The following ROBO2 variants were observed in gnomAD, a reference collection of about 807,000 sequenced individuals.
The protein encoded by ROBO2 is roundabout homolog 2.
A neutral mutation model predicts 160.8 loss-of-function variants in ROBO2; 53 were observed. The observed-to-expected ratio is 0.33, with a 90% CI of 0.26 to 0.41. The LOEUF is 0.41. ROBO2 is among the 10% of genes least tolerant of loss of function. The pLI is 1.00. For missense variants in ROBO2, 1,577 were observed against 1,722.4 expected (o/e 0.92, Z 1.49); for synonymous variants, 664 against 611.7 (o/e 1.09, Z -1.26).
Position 76,695,136 on chromosome 3 carries a change from A to AT in ROBO2, c.110-402871dup, listed in dbSNP as rs1018568438. Reference sequence around the variant, plus strand: ...AAACAAACAAAAACACAAAAAACTTATTTTTTTAAATATGAGCAAGTCAAA... The same window carrying AT: ...AAACAAACAAAAACACAAAAAACTTATTTTTTTTAAATATGAGCAAGTCAAA... On this transcript the variant is annotated intron_variant, in intron 2 of 26. Coordinates refer to the ROBO2 transcript ENST00000487694. Among the ~76,000 whole-genome samples the AT allele has an allele frequency of 1.2e-4, 18 of 152,176 alleles. No homozygotes were observed. In the East Asian group the frequency reaches 2.5e-3, roughly 21 times the overall value.
intron 2 of ROBO2, among the ~76,000 whole-genome samples, chr3:77,106,290 T>G (rs3934808): frequency 0.58 from 88,203 of 151,984 alleles, 25,997 homozygotes; most frequent in African/African-American, 0.68. Flanking sequence ...CAATCCTCTC[T>G]CATTGGCCTC....
At chr3:76,923,796 C>A (rs776416989) in intron 2 of ROBO2, among the ~76,000 whole-genome samples, 3 of 152,208 alleles carry the variant, frequency 2.0e-5, no homozygotes, top group Non-Finnish European at 4.4e-5. Context: ...TTTCTGGCAA[C>A]TTACCCTTTC....
chr3:76,122,985 G>GACCTCCTA (rs904845410), intron 2 of ROBO2, among the ~76,000 whole-genome samples: 1 of 152,046 alleles, frequency 6.6e-6, no homozygotes, highest in Non-Finnish European at 1.5e-5. Flanking sequence ...CTGACCTCCT[G>GACCTCCTA]ATCTGCCCAC....
chr3:76,024,853 T>C (rs1467824744), intron 2 of ROBO2, among the ~76,000 whole-genome samples: 2 of 151,384 alleles, frequency 1.3e-5, no homozygotes, highest in African/African-American at 2.4e-5. Flanking sequence ...ATGGAACTCT[T>C]TCATTTTGCT....
At chr3:76,222,275 G>A (rs1704014518) in intron 2 of ROBO2, among the ~76,000 whole-genome samples, 2 of 152,166 alleles carry the variant, frequency 1.3e-5, no homozygotes, top group South Asian at 4.1e-4. Context: ...GAGGCATAAG[G>A]TAGAAGGAGG....
intron 2 of ROBO2, among the ~76,000 whole-genome samples, chr3:76,562,515 T>C (rs1343132363): frequency 6.6e-6 from 1 of 151,910 alleles, no homozygotes; most frequent in Non-Finnish European, 1.5e-5. Context: ...AAGCATAGTA[T>C]AGACTCCCTT....
intron 2 of ROBO2, among the ~76,000 whole-genome samples, chr3:77,113,010 G>C (rs2150196302): frequency 6.6e-6 from 1 of 152,170 alleles, no homozygotes; most frequent in East Asian, 1.9e-4. Flanking sequence ...CTATACACAA[G>C]GAATTCAATA....
At chr3:76,308,393 A>AG (rs1209880660) in intron 2 of ROBO2, among the ~76,000 whole-genome samples, 111 of 151,170 alleles carry the variant, frequency 7.3e-4, no homozygotes, top group African/African-American at 2.7e-3. Context: ...AAAAAAAAAA[A>AG]AAAAGAAAGA....
At chr3:76,494,469 G>C (rs1167414181) in intron 2 of ROBO2, among the ~76,000 whole-genome samples, 1 of 152,130 alleles carries the variant, frequency 6.6e-6, no homozygotes. Context: ...AAACTACGGG[G>C]GGAGGCTAAA....
chr3:76,008,984 G>A (rs2066113757), intron 2 of ROBO2, among the ~76,000 whole-genome samples: 2 of 152,124 alleles, frequency 1.3e-5, no homozygotes, highest in Admixed American at 1.3e-4. Context: ...TACGCTGGGG[G>A]AACTTAGCAA....
At position 77,548,760 on chromosome 3, in the gene ROBO2, T is replaced by C. The variant is rs76842960; in HGVS notation, c.1060-2058T>C. ...ACCTATCTCTCTCCCATCAGAGAGA[T>C]AGAGGTAGAGATAGAGAGGGATGTG... is the stretch of plus-strand genomic sequence containing the variant. On this transcript the variant is annotated intron_variant, in intron 7 of 25. Coordinates refer to ENST00000461745, the Ensembl canonical transcript of ROBO2. Among the ~76,000 whole-genome samples, 938 of 151,120 alleles carry C rather than the reference T, an allele frequency of 6.2e-3. 8 individuals carry two copies. Among genetic ancestry groups the C allele is most frequent in the African/African-American group, 0.021 (879 of 41,194 alleles).
At chr3:76,840,739 T>C (rs1469339432) in intron 2 of ROBO2, among the ~76,000 whole-genome samples, 2 of 150,850 alleles carry the variant, frequency 1.3e-5, no homozygotes, top group African/African-American at 4.9e-5. Context: ...AATTCTTTGA[T>C]TAAACTTTTG....
chr3:76,241,529 T>C (rs1156747406), intron 2 of ROBO2, among the ~76,000 whole-genome samples: 3 of 152,210 alleles, frequency 2.0e-5, no homozygotes, highest in African/African-American at 7.2e-5. Flanking sequence ...ACTGAAACTC[T>C]TGATTCAGAA....
At chr3:76,022,580 A>G (rs550057291) in intron 2 of ROBO2, among the ~76,000 whole-genome samples, 69 of 151,858 alleles carry the variant, frequency 4.5e-4, no homozygotes, top group African/African-American at 1.5e-3. Context: ...TTGGGTGTTC[A>G]GGTACATTGT....
chr3:77,471,583 AAG>A, intron 2 of ROBO2, among the ~76,000 whole-genome samples: 1 of 152,336 alleles, frequency 6.6e-6, no homozygotes, highest in African/African-American at 2.4e-5. Flanking sequence ...AAAAGAGAGT[AAG>A]AGAGGAGTTC....
chr3:77,037,982 C>T (rs1477882806), upstream of ROBO2, among the ~76,000 whole-genome samples: 1 of 152,158 alleles, frequency 6.6e-6, no homozygotes, highest in African/African-American at 2.4e-5. Context: ...GAGACATGAG[C>T]TAGACATTGT....
intron 2 of ROBO2, among the ~76,000 whole-genome samples, chr3:76,358,138 A>G (rs893180127): frequency 1.3e-5 from 2 of 152,004 alleles, no homozygotes; most frequent in African/African-American, 4.8e-5. Context: ...TTCCCTAGAA[A>G]TAAACTACGT....
chr3:76,600,065 A>G (rs2087021682), intron 2 of ROBO2, among the ~76,000 whole-genome samples: 2 of 151,942 alleles, frequency 1.3e-5, no homozygotes, highest in Non-Finnish European at 2.9e-5. Context: ...TGATTTGTTG[A>G]TTTTTGCTTT....
chr3:77,368,706 G>A (rs1037285607), intron 2 of ROBO2, among the ~76,000 whole-genome samples: 1 of 152,114 alleles, frequency 6.6e-6, no homozygotes, highest in Non-Finnish European at 1.5e-5. Flanking sequence ...TAGATCTTAT[G>A]TTCTGTATCT....
Sources: gnomAD v4.1 joint callset for allele counts (sites outside exome capture counted in the v4.1 genomes callset) on GRCh38, gnomAD v4.1.1 for gene constraint, MANE v1.5 for transcripts, NCBI Gene and HGNC (gene_info 2026-07-23, HGNC 2026-07-21) for gene names.